The following ITGB2 variants were observed in gnomAD, a reference collection of about 807,000 sequenced individuals.
ITGB2 encodes integrin beta-2.
A neutral mutation model predicts 86.8 loss-of-function variants in ITGB2; 56 were observed. The ratio of observed to expected loss-of-function variants is 0.65; its 90% CI spans 0.52 to 0.81. The LOEUF (loss-of-function observed/expected upper bound fraction) is 0.81, where lower values mean the gene tolerates loss of function less well. ITGB2 is among the 30% of genes least tolerant of loss of function. The pLI is 0.00. For missense variants in ITGB2, 948 were observed against 1,061.2 expected, an observed-to-expected ratio of 0.89 and a Z score of 1.48; for synonymous variants, 457 against 450.4, an observed-to-expected ratio of 1.01 and a Z score of -0.19.
chr21:44,886,413 C>G lies in ITGB2; in HGVS notation c.2265G>C (p.Lys755Asn), dbSNP rs2083699315. 1 of 1,614,122 alleles carries G rather than the reference C, an allele frequency of 6.2e-7. No homozygotes were observed. The highest frequency in any genetic ancestry group is 8.5e-7 in the Non-Finnish European group (1 of 1,180,006). The change falls in exon 16 of 16, where the codon AAG becomes AAC. Residue 755 changes from lysine (K) to asparagine (N), a missense_variant. Physicochemically the swap from Lys to Asn is moderately conservative, Grantham distance 94. Coordinates refer to ENST00000652462, the MANE Select transcript of ITGB2 (RefSeq NM_000211.5). Reference sequence around the variant, plus strand: ...GGTTCATGACCGTCGTGGTGGCGCTCTTGAAAAGGGGATTATCCTGGTGGG... The same window carrying G: ...GGTTCATGACCGTCGTGGTGGCGCTGTTGAAAAGGGGATTATCCTGGTGGG... ...SQWNNDNPLF[K>N]SATTTVMNPK...
At chr21:44,892,971 G>A (rs2083811621) in intron 10 of ITGB2, 2 of 211,810 alleles carry the variant, frequency 9.4e-6, no homozygotes, top group East Asian at 1.1e-4. Context: ...CCCAGGGGGC[G>A]CAGCCATCAC....
At chr21:44,907,378 G>A (rs1176668184) in intron 3 of ITGB2, among the ~76,000 whole-genome samples, 3 of 152,234 alleles carry the variant, frequency 2.0e-5, no homozygotes, top group Non-Finnish European at 4.4e-5. Context: ...GCCCGAGGCT[G>A]ACCCAAGAGG....
upstream of ITGB2, among the ~76,000 whole-genome samples, chr21:44,925,214 C>T (rs2084356431): frequency 6.6e-6 from 1 of 151,374 alleles, no homozygotes; most frequent in African/African-American, 2.4e-5. Flanking sequence ...TGGAAATGCT[C>T]TGAAATTAGA....
chr21:44,906,808 A>C (rs556456135), intron 4 of ITGB2, 107 bp downstream of exon 4: 43 of 1,225,626 alleles, frequency 3.5e-5, no homozygotes, highest in African/African-American at 7.4e-5. Context: ...CGACCCGGAC[A>C]CATGCCTTCT....
chr21:44,896,727 A>AG (rs3838128), intron 8 of ITGB2, among the ~76,000 whole-genome samples: 8,294 of 152,236 alleles, frequency 0.054, 289 homozygotes, highest in South Asian at 0.096. Flanking sequence ...ACACACTCGG[A>AG]GGGGGCGTGG....
At chr21:44,892,032 G>C in intron 10 of ITGB2, 36 bp from the exon 11 acceptor site, 1 of 1,595,238 alleles carries the variant, frequency 6.3e-7, no homozygotes. Flanking sequence ...GGGGACCCTC[G>C]GTGGCCAGGG....
chr21:44,891,677 G>A (rs2083786956), intron 11 of ITGB2, 132 bp downstream of exon 11: 3 of 999,870 alleles, frequency 3.0e-6, no homozygotes, highest in East Asian at 2.6e-5. Context: ...TCCTGCAGAA[G>A]GGGGCCCCCA....
intron 4 of ITGB2, 56 bp downstream of exon 4, chr21:44,906,859 C>T (rs2084049300): frequency 1.0e-5 from 16 of 1,597,736 alleles, no homozygotes; most frequent in Admixed American, 6.7e-5. Flanking sequence ...GACTCCCAGC[C>T]AGAGCCAATA....
Position 44,891,906 on chromosome 21 carries a change from C to A in ITGB2, c.1315G>T (p.Val439Leu). The part of the protein sequence containing the change: ...RALGFTDIVT[V>L]QVLPQCECRC... ...CACTCACACTGGGGAAGAACCTGCA[C>A]GGTCACTATGTCCGTGAAGCCCAGC... The change falls in exon 11 of 16, where the codon GTG becomes TTG. Residue 439 changes from valine (V) to leucine (L), a missense_variant. Val to Leu is a conservative substitution (Grantham distance 32, BLOSUM62 1). Transcript: ENST00000652462. The A allele has an allele frequency of 6.2e-7, 1 of 1,613,260 alleles. No individual in the cohort carries two copies. Among genetic ancestry groups the A allele is most frequent in the East Asian group, 2.2e-5 (1 of 44,880 alleles).
chr21:44,918,162 C>A (rs1293890952), intron 1 of ITGB2, among the ~76,000 whole-genome samples: 1 of 152,234 alleles, frequency 6.6e-6, no homozygotes, highest in Non-Finnish European at 1.5e-5. Flanking sequence ...CTGGCCTGTA[C>A]CTGCTGGGCA....
At chr21:44,927,997 CCT>C (rs2084397153) in intron 1 of ITGB2, 1 of 152,290 alleles carries the variant, frequency 6.6e-6, no homozygotes, top group African/African-American at 2.4e-5. Context: ...CCTCCATCCC[CCT>C]GTGGCCTGGG....
chr21:44,889,636 C>A, intron 12 of ITGB2, 141 bp from the exon 13 acceptor site: 1 of 886,344 alleles, frequency 1.1e-6, no homozygotes, highest in Admixed American at 2.0e-5. Context: ...CATGGGGCCA[C>A]TAGCCAGGCC....
At chr21:44,888,636 G>T in intron 14 of ITGB2, 57 bp downstream of exon 14, 1 of 1,576,738 alleles carries the variant, frequency 6.3e-7, no homozygotes, top group Non-Finnish European at 8.6e-7. Context: ...TCGCCTCTGC[G>T]GAGACCCCGC....
At chr21:44,891,199 C>T (rs2083781328) in intron 11 of ITGB2, among the ~76,000 whole-genome samples, 1 of 152,226 alleles carries the variant, frequency 6.6e-6, no homozygotes, top group Non-Finnish European at 1.5e-5. Flanking sequence ...TGGCTGAGTG[C>T]CATGTGAACC....
Position 44,890,166 on chromosome 21 carries a change from C to T in ITGB2, c.1469G>A (p.Ser490Asn). The T allele has an allele frequency of 6.2e-7, 1 of 1,613,328 alleles. No homozygotes were observed. ...NCECQTQGRSSQELEGSCRKD... is the reference protein window; with the variant it reads ...NCECQTQGRSNQELEGSCRKD... ...CCGGCAGCTTCCTTCCAGCTCCTGG[C>T]TGCTCCGGCCCTGTGTCTGGCACTC... The change falls in exon 12 of 16, where the codon AGC becomes AAC. Residue 490 changes from serine (S) to asparagine (N), a missense_variant. By Grantham distance (46) the Ser-to-Asn change is conservative. Coordinates refer to ENST00000652462, the MANE Select transcript of ITGB2 (RefSeq NM_000211.5).
intron 10 of ITGB2, chr21:44,893,054 C>G: frequency 4.0e-5 from 12 of 298,830 alleles, no homozygotes; most frequent in South Asian, 1.2e-4. Context: ...TCTTGGGGGC[C>G]AAGGCGTGTG....
At chr21:44,925,422 G>GGGAA (rs71334040), upstream of ITGB2, among the ~76,000 whole-genome samples, 3,892 of 54,362 alleles carry the variant, frequency 0.072, 161 homozygotes, top group Non-Finnish European at 0.087. Context: ...GAGGGAGGGA[G>GGGAA]GGAAGGAAGG....
chr21:44,887,873 G>A (rs1274407037), intron 14 of ITGB2, among the ~76,000 whole-genome samples: 1 of 152,216 alleles, frequency 6.6e-6, no homozygotes, highest in East Asian at 1.9e-4. Flanking sequence ...GCCTGCCTCG[G>A]GTCCCTTCCT....
chr21:44,919,817 G>A (rs1322042266), intron 1 of ITGB2, among the ~76,000 whole-genome samples: 9 of 152,222 alleles, frequency 5.9e-5, no homozygotes, highest in Admixed American at 4.6e-4. Flanking sequence ...CCAGATCCAG[G>A]GGAGGGGGGA....
Sources: allele counts gnomAD v4.1 joint callset (sites outside exome capture counted in the v4.1 genomes callset), GRCh38; gene constraint gnomAD v4.1.1; transcripts MANE v1.5; gene names NCBI Gene and HGNC (gene_info 2026-07-23, HGNC 2026-07-21).